The following ATRNL1 variants were observed in gnomAD, a reference collection of about 807,000 sequenced individuals.
The protein encoded by ATRNL1 is attractin-like protein 1.
Under a neutral mutation model 182.7 loss-of-function variants are expected in ATRNL1, and 95 were observed. That is an observed-to-expected ratio of 0.52 (90% CI 0.44 to 0.62). The LOEUF is 0.62. Among genes scored for constraint, ATRNL1 ranks in the 20% least tolerant of loss-of-function variants. The probability of loss-of-function intolerance (pLI) is 0.00; values close to 1 mark genes in which losing one functional copy is unlikely to be tolerated. For missense variants in ATRNL1, 1,471 were observed against 1,679.5 expected (o/e 0.88, Z 2.17); for synonymous variants, 576 against 568.3 (o/e 1.01, Z -0.19).
At chr10:115,518,877 GTA>G (rs35106808) in intron 24 of ATRNL1, among the ~76,000 whole-genome samples, 1 of 151,172 alleles carries the variant, frequency 6.6e-6, no homozygotes, top group Non-Finnish European at 1.5e-5. Context: ...CAAAACATTT[GTA>G]TATATATATG....
chr10:115,162,198 C>T (rs1846822230), intron 6 of ATRNL1, among the ~76,000 whole-genome samples: 2 of 150,496 alleles, frequency 1.3e-5, no homozygotes, highest in Non-Finnish European at 3.0e-5. Flanking sequence ...AACATATATA[C>T]ATATAGAGAC....
chr10:115,931,204 T>C (rs1483072288), intron 28 of ATRNL1, among the ~76,000 whole-genome samples: 2 of 152,194 alleles, frequency 1.3e-5, no homozygotes, highest in Non-Finnish European at 2.9e-5. Flanking sequence ...GTAATCTGTA[T>C]TTCTCCAATT....
intron 10 of ATRNL1, among the ~76,000 whole-genome samples, chr10:115,255,759 A>G (rs1851097479): frequency 6.6e-6 from 1 of 152,188 alleles, no homozygotes; most frequent in Non-Finnish European, 1.5e-5. Context: ...ATTCAGTATG[A>G]TACTGGCTGT....
At chr10:115,542,259 G>A (rs907668578) in intron 25 of ATRNL1, among the ~76,000 whole-genome samples, 4 of 152,048 alleles carry the variant, frequency 2.6e-5, no homozygotes, top group South Asian at 2.1e-4. Context: ...CTCAAAATCT[G>A]TTACAGATTT....
chr10:115,442,303 C>CTCTCTCTCTCTCTCTCTCTCTA (rs782157017), intron 21 of ATRNL1, among the ~76,000 whole-genome samples: 1 of 123,766 alleles, frequency 8.1e-6, no homozygotes, highest in African/African-American at 3.1e-5. Flanking sequence ...CTCTCTCTCT[C>CTCTCTCTCTCTCTCTCTCTCTA]TGTGTGTATG....
intron 27 of ATRNL1, chr10:115,820,213 C>T (rs1950259855): frequency 1.3e-5 from 2 of 152,100 alleles, no homozygotes; most frequent in African/African-American, 4.8e-5. Context: ...ACATGATATT[C>T]ATTTTCCCCT....
chr10:115,286,092 T>G, intron 14 of ATRNL1, 124 bp from the exon 15 acceptor site: 2 of 551,742 alleles, frequency 3.6e-6, no homozygotes, highest in Non-Finnish European at 6.3e-6. Flanking sequence ...TTTGAAATAT[T>G]GAGATATTTA....
intron 28 of ATRNL1, among the ~76,000 whole-genome samples, chr10:115,903,541 C>T (rs1434771385): frequency 3.3e-5 from 5 of 152,192 alleles, no homozygotes; most frequent in African/African-American, 9.7e-5. Flanking sequence ...GCTTCAGAAC[C>T]TTACCTGGAA....
chr10:115,785,432 G>A (rs1255584426), intron 27 of ATRNL1, among the ~76,000 whole-genome samples: 7 of 152,150 alleles, frequency 4.6e-5, no homozygotes, highest in Admixed American at 2.0e-4. Context: ...TCTCTCATCT[G>A]TGTCCCTTTC....
intron 27 of ATRNL1, among the ~76,000 whole-genome samples, chr10:115,813,606 C>T (rs1272503461): frequency 4.6e-5 from 7 of 152,138 alleles, no homozygotes; most frequent in Non-Finnish European, 5.9e-5. Flanking sequence ...ATTAGATTAT[C>T]ACTAACATTT....
chr10:115,717,116 G>T (rs768860079), intron 26 of ATRNL1, among the ~76,000 whole-genome samples: 2 of 152,050 alleles, frequency 1.3e-5, no homozygotes, highest in African/African-American at 4.8e-5. Flanking sequence ...ATTAAAAAAG[G>T]TTACATACAA....
At chr10:115,621,276 T>TATATATATATATATATAGAGAGAGAG (rs1268020830) in intron 26 of ATRNL1, among the ~76,000 whole-genome samples, 4 of 47,582 alleles carry the variant, frequency 8.4e-5, no homozygotes, top group African/African-American at 2.2e-4. Flanking sequence ...TATATATATA[T>TATATATATATATATATAGAGAGAGAG]AGAGAGAGAG....
chr10:115,362,729 T>G (rs561446543), intron 19 of ATRNL1, among the ~76,000 whole-genome samples: 4 of 152,052 alleles, frequency 2.6e-5, no homozygotes, highest in African/African-American at 9.7e-5. Context: ...GTCCATGTGA[T>G]CTCATTGTTC....
chr10:115,536,626 C>T (rs150317190), intron 25 of ATRNL1, among the ~76,000 whole-genome samples: 3 of 152,106 alleles, frequency 2.0e-5, no homozygotes, highest in East Asian at 1.9e-4. Context: ...CACTGTCCTG[C>T]GCCCACTGTC....
intron 27 of ATRNL1, among the ~76,000 whole-genome samples, chr10:115,766,564 C>A (rs1279877934): frequency 6.6e-6 from 1 of 152,138 alleles, no homozygotes; most frequent in Non-Finnish European, 1.5e-5. Context: ...ATAGTTTTAA[C>A]TGGCATATGA....
chr10:115,537,138 T>A (rs1554990695), intron 25 of ATRNL1, among the ~76,000 whole-genome samples: 1 of 152,232 alleles, frequency 6.6e-6, no homozygotes, highest in South Asian at 2.1e-4. Context: ...AGGACCTAAC[T>A]GTTCTTGTAA....
chr10:115,751,270 G>GAA (rs1948440434), intron 27 of ATRNL1, among the ~76,000 whole-genome samples: 1 of 152,016 alleles, frequency 6.6e-6, no homozygotes, highest in Non-Finnish European at 1.5e-5. Context: ...TTTTCTCCTG[G>GAA]AGCCTCTGAA....
At chr10:115,340,456 TTTTTCTTTTCTTTTCTTTTC>T (rs1295105608) in intron 19 of ATRNL1, among the ~76,000 whole-genome samples, 3 of 134,732 alleles carry the variant, frequency 2.2e-5, no homozygotes, top group Non-Finnish European at 4.6e-5. Flanking sequence ...TCTTTCTTTT[TTTTTCTTTTCTTTTCTTTTC>T]TTTTTTTTTT....
intron 19 of ATRNL1, among the ~76,000 whole-genome samples, chr10:115,361,043 A>T (rs1295896156): frequency 6.6e-6 from 1 of 151,936 alleles, no homozygotes; most frequent in Non-Finnish European, 1.5e-5. Flanking sequence ...TGTCTGCCAG[A>T]CTTCATCACT....
Sources: allele counts gnomAD v4.1 joint callset (sites outside exome capture counted in the v4.1 genomes callset), GRCh38; gene constraint gnomAD v4.1.1; transcripts MANE v1.5; gene names NCBI Gene and HGNC (gene_info 2026-07-23, HGNC 2026-07-21).